VDR: variants seen among roughly 807,000 people sequenced by gnomAD.
VDR encodes vitamin D receptor.
In VDR, 19 loss-of-function variants were observed where a neutral mutation model predicts 39.7. That is an observed-to-expected ratio of 0.48 (90% CI 0.33 to 0.70). The LOEUF is 0.70. Ranked by LOEUF, VDR falls within the 30% of genes least tolerant of loss-of-function variation. The pLI is 0.02. For synonymous variants in VDR, 242 were observed against 215.8 expected, an observed-to-expected ratio of 1.12 and a Z score of -1.07; for missense variants, 442 against 570.5, an observed-to-expected ratio of 0.77 and a Z score of 2.29.
chr12:47,862,532 A>G, intron 4 of VDR, among the ~76,000 whole-genome samples: 1 of 152,258 alleles, frequency 6.6e-6, no homozygotes. Context: ...TCAGAAGAAA[A>G]TGCATGTGCT....
At chr12:47,891,404 C>T (rs757006500) in intron 1 of VDR, among the ~76,000 whole-genome samples, 2 of 152,104 alleles carry the variant, frequency 1.3e-5, no homozygotes, top group Non-Finnish European at 2.9e-5. Context: ...AATGGAGAAT[C>T]CAGGAAAATG....
In VDR at chr12:47,844,317, A is replaced by C; in HGVS notation, c.*429T>G. 1 of 280,516 alleles carries C rather than the reference A, an allele frequency of 3.6e-6. No individual in the cohort carries two copies. Among genetic ancestry groups the C allele is most frequent in the Non-Finnish European group, 6.9e-6 (1 of 144,988 alleles). The allele number at this position is 280,516 out of a possible 1,614,324, so 17.4% of individuals were successfully genotyped here. A position where few individuals can be genotyped will look rare whatever the true frequency, so the allele number is the denominator to read the frequency against. On this transcript the variant is annotated 3_prime_UTR_variant, in exon 10 of 10. Coordinates refer to ENST00000549336, the MANE Select transcript of VDR (RefSeq NM_000376.3). The stretch of plus-strand genomic sequence containing the variant: ...TTTATCGTGAGTAGGCAGGAGAGGG[A>C]GACCCCACTAGGCGCTGGACAAGCG...
intron 1 of VDR, among the ~76,000 whole-genome samples, chr12:47,892,840 A>G (rs1946394880): frequency 6.6e-6 from 1 of 152,234 alleles, no homozygotes; most frequent in African/African-American, 2.4e-5. Context: ...GTGAGAAAAG[A>G]GAAGAGAAGG....
chr12:47,878,293 C>G (rs11574054), intron 3 of VDR, among the ~76,000 whole-genome samples: 1 of 152,192 alleles, frequency 6.6e-6, no homozygotes, highest in African/African-American at 2.4e-5. Context: ...CTTTCCCACG[C>G]TCCCACCCTG....
intron 2 of VDR, among the ~76,000 whole-genome samples, chr12:47,880,699 T>C (rs986282777): frequency 6.6e-6 from 1 of 152,026 alleles, no homozygotes; most frequent in African/African-American, 2.4e-5. Flanking sequence ...GCAAAAGTAA[T>C]TGTGGTTTTG....
chr12:47,866,892 G>A (rs184276649), intron 3 of VDR, among the ~76,000 whole-genome samples: 1 of 152,080 alleles, frequency 6.6e-6, no homozygotes, highest in Non-Finnish European at 1.5e-5. Flanking sequence ...TGGGGGCTGG[G>A]AGCTGAGGCA....
intron 7 of VDR, among the ~76,000 whole-genome samples, chr12:47,852,309 C>A (rs1044470059): frequency 3.9e-5 from 6 of 152,210 alleles, no homozygotes; most frequent in Non-Finnish European, 8.8e-5. Flanking sequence ...AGGATGGAAG[C>A]CGAGTGCTTC....
intron 3 of VDR, among the ~76,000 whole-genome samples, chr12:47,866,610 A>G (rs1945742006): frequency 6.6e-6 from 1 of 152,184 alleles, no homozygotes. Context: ...CTGCCCAGAA[A>G]AAGAAGGGGC....
chr12:47,869,302 C>T (rs1331618784), intron 3 of VDR, among the ~76,000 whole-genome samples: 2 of 151,522 alleles, frequency 1.3e-5, no homozygotes, highest in African/African-American at 2.4e-5. Context: ...TTTGGGAGGC[C>T]GAGACAGGCG....
intron 7 of VDR, among the ~76,000 whole-genome samples, chr12:47,847,163 A>G (rs138018604): frequency 1.2e-3 from 176 of 152,224 alleles, no homozygotes; most frequent in African/African-American, 3.9e-3. Flanking sequence ...GGTATCTTCA[A>G]CAACACCCAA....
chr12:47,879,523 T>G (rs1946097442), intron 2 of VDR, among the ~76,000 whole-genome samples: 1 of 152,144 alleles, frequency 6.6e-6, no homozygotes, highest in Non-Finnish European at 1.5e-5. Flanking sequence ...CTGAACCAGG[T>G]CAGGGGCTTC....
chr12:47,869,364 A>G (rs375066890), intron 3 of VDR, among the ~76,000 whole-genome samples: 7 of 151,792 alleles, frequency 4.6e-5, no homozygotes, highest in East Asian at 1.9e-4. Context: ...GTGAAACCCC[A>G]TCTCTACTAA....
chr12:47,862,168 G>C (rs896586544), intron 4 of VDR, among the ~76,000 whole-genome samples: 2 of 152,212 alleles, frequency 1.3e-5, no homozygotes, highest in Non-Finnish European at 2.9e-5. Context: ...TAAGCAAAAA[G>C]CAAGAACTCA....
chr12:47,859,852 T>C (rs566589271), intron 4 of VDR, among the ~76,000 whole-genome samples: 33 of 54,782 alleles, frequency 6.0e-4, no homozygotes, highest in African/African-American at 2.7e-3. Context: ...CTTCCTTCCT[T>C]CCTTCCTTCC....
rs558181497 is a variant in VDR, at chr12:47,867,022, A to AAAAC, written c.147-1849_147-1846dup. Among the ~76,000 whole-genome samples the AAAAC allele has an allele frequency of 2.4e-4, 30 of 126,438 alleles. No homozygotes were observed. The East Asian group carries it at 2.8e-3, about 12-fold the overall frequency. 82.9% of individuals were successfully genotyped at this position (126,438 alleles called of 152,430 possible). A position where few individuals can be genotyped will look rare whatever the true frequency, so the allele number is the denominator to read the frequency against. On this transcript the variant is annotated intron_variant, in intron 3 of 9. Coordinates refer to ENST00000549336, the MANE Select transcript of VDR (RefSeq NM_000376.3). ...AAAAACAAAACAAAACAAAACAAAA[A>AAAAC]AAACCCAGAAAACTACTGAAGTGTT... is the stretch of plus-strand genomic sequence containing the variant.
intron 1 of VDR, among the ~76,000 whole-genome samples, chr12:47,902,165 T>C (rs949514943): frequency 6.6e-6 from 1 of 152,250 alleles, no homozygotes; most frequent in Admixed American, 6.5e-5. Flanking sequence ...TTTATGTCCA[T>C]TGTCCTGGTA....
chr12:47,867,210 C>T (rs1488141778), intron 3 of VDR, among the ~76,000 whole-genome samples: 3 of 151,932 alleles, frequency 2.0e-5, no homozygotes, highest in East Asian at 3.9e-4. Flanking sequence ...AAAAATTAGC[C>T]GGGCACGGTG....
intron 3 of VDR, among the ~76,000 whole-genome samples, chr12:47,867,590 C>T (rs527454148): frequency 6.6e-6 from 1 of 152,342 alleles, no homozygotes; most frequent in Admixed American, 6.5e-5. Context: ...TCCTGTCCTC[C>T]TCCCAGCCCC....
At chr12:47,871,140 G>A (rs193024424) in intron 3 of VDR, among the ~76,000 whole-genome samples, 7 of 152,236 alleles carry the variant, frequency 4.6e-5, no homozygotes, top group Admixed American at 2.6e-4. Flanking sequence ...ACATTTTAAC[G>A]CAGTAAAGCC....
Sources: allele counts gnomAD v4.1 joint callset (sites outside exome capture counted in the v4.1 genomes callset), GRCh38; gene constraint gnomAD v4.1.1; transcripts MANE v1.5; gene names NCBI Gene and HGNC (gene_info 2026-07-23, HGNC 2026-07-21).